The following ZNF559 variants were observed in gnomAD, a reference collection of about 807,000 sequenced individuals.
The protein encoded by ZNF559 is putative protein product of Nbla00121.
ZNF559 carries 17 observed loss-of-function variants against 14.2 expected under a neutral mutation model. That is an observed-to-expected ratio of 1.20 (90% CI 0.82 to 1.80). The LOEUF (loss-of-function observed/expected upper bound fraction) is 1.80, where lower values mean the gene tolerates loss of function less well. Among genes scored for constraint, ZNF559 ranks in the 40% most tolerant of loss-of-function variants. The pLI is 0.00. For synonymous variants in ZNF559, 244 were observed against 212.4 expected (o/e 1.15, Z -1.29); for missense variants, 740 against 629.7 (o/e 1.18, Z -1.88).
chr19:9,341,238 A>G (rs1278284831), intron 6 of ZNF559, 54 bp downstream of exon 6: 1 of 1,530,406 alleles, frequency 6.5e-7, no homozygotes, highest in East Asian at 2.2e-5. Context: ...AAGATTGGAA[A>G]TTCCTTAAAA....
intron 5 of ZNF559, 77 bp from the exon 6 acceptor site, chr19:9,341,025 C>G: frequency 9.3e-7 from 1 of 1,076,234 alleles, no homozygotes. Context: ...ACAGTACATA[C>G]TAGTCTTGCA....
chr19:9,339,718 A>G (rs1488411719), intron 5 of ZNF559, among the ~76,000 whole-genome samples: 1 of 151,650 alleles, frequency 6.6e-6, no homozygotes, highest in Non-Finnish European at 1.5e-5. Context: ...AGACAGCAAA[A>G]TCTTAGCTCT....
upstream of ZNF559, chr19:9,324,101 G>C (rs1314270679): frequency 2.0e-6 from 3 of 1,501,002 alleles, no homozygotes; most frequent in African/African-American, 2.8e-5. Flanking sequence ...CGCAGCAGCT[G>C]ATGGGCCCGG....
At chr19:9,335,133 C>T (rs2067160180) in intron 2 of ZNF559, among the ~76,000 whole-genome samples, 1 of 79,788 alleles carries the variant, frequency 1.3e-5, no homozygotes, top group Non-Finnish European at 2.5e-5. Flanking sequence ...GAGACTCTGT[C>T]TCAAAAAAAA....
chr19:9,328,541 C>G (rs950159837), intron 2 of ZNF559, among the ~76,000 whole-genome samples: 3 of 151,508 alleles, frequency 2.0e-5, no homozygotes, highest in Non-Finnish European at 2.9e-5. Context: ...TTAGTAGAGA[C>G]GAGCTTTCAT....
At chr19:9,336,367 G>A (rs765842052) in intron 2 of ZNF559, among the ~76,000 whole-genome samples, 64 of 152,144 alleles carry the variant, frequency 4.2e-4, no homozygotes, top group Non-Finnish European at 7.1e-4. Context: ...TGAGGCAGGC[G>A]GATCACCTGA....
chr19:9,343,911 C>CT lies in ZNF559; in HGVS notation c.*846dup, dbSNP rs1470871919. 1.4e-6 allele frequency: 1 copy of CT among 710,040 alleles called. No individual in the cohort carries two copies. Among genetic ancestry groups the CT allele is most frequent in the Non-Finnish European group, 1.7e-6 (1 of 579,080 alleles). The allele number at this position is 710,040 out of a possible 1,614,324, so 44.0% of individuals were successfully genotyped here. ...CTCTTTATTATTGAGGAGTTCCACT[C>CT]TTTCCCCCATTTGTCACTACTACAC... On this transcript the variant is annotated 3_prime_UTR_variant, in exon 7 of 7. Coordinates refer to ENST00000603380, the MANE Select transcript of ZNF559 (RefSeq NM_032497.3).
At position 9,331,104 on chromosome 19, in the gene ZNF559, T is replaced by C. The variant is rs999398001; in HGVS notation, c.-120+6324T>C. Among the ~76,000 whole-genome samples, 5 of 152,284 alleles carry C rather than the reference T, an allele frequency of 3.3e-5. No homozygotes were observed. In the East Asian group the frequency reaches 9.6e-4, roughly 29 times the overall value. ...ATTTTTCTCAGTCATACAGAGCAGATGTAAGAGGATGTCTGCCTCATTTCT... is the reference window on the plus strand; with the variant it reads ...ATTTTTCTCAGTCATACAGAGCAGACGTAAGAGGATGTCTGCCTCATTTCT... On this transcript the variant is annotated intron_variant, in intron 2 of 6. Coordinates refer to ENST00000603380, the MANE Select transcript of ZNF559 (RefSeq NM_032497.3).
Position 9,337,870 on chromosome 19 carries a change from G to T in ZNF559, c.-57+12G>T. On this transcript the variant is annotated intron_variant, in intron 3 of 6. Coordinates refer to ENST00000603380, the MANE Select transcript of ZNF559 (RefSeq NM_032497.3). ...CTGAAAGATTGACGGTATGAGGCAA[G>T]ACTCCCACTACTACTTAATCAAGAG... 1.3e-6 allele frequency: 2 copies of T among 1,519,034 alleles called. No homozygotes were observed. The highest frequency in any genetic ancestry group is 8.8e-7 in the Non-Finnish European group (1 of 1,137,172). The allele number at this position is 1,519,034 out of a possible 1,614,324, so 94.1% of individuals were successfully genotyped here.
chr19:9,324,532 C>T lies in ZNF559; in HGVS notation c.-205-163C>T, dbSNP rs2066461403. The stretch of plus-strand genomic sequence containing the variant: ...ATAGGGCCCGGCGCGGCGGCTCACG[C>T]CTGTCATTCCCAGCGCTTTGGGCGG... On this transcript the variant is annotated intron_variant, in intron 1 of 6. Transcript: ENST00000603380. 4 of 1,246,608 alleles carry T rather than the reference C, an allele frequency of 3.2e-6. No homozygotes were observed. The Admixed American group carries it at 8.5e-5, about 27-fold the overall frequency. The allele number at this position is 1,246,608 out of a possible 1,614,324, so 77.2% of individuals were successfully genotyped here.
At chr19:9,323,975 C>T (rs2066426265), upstream of ZNF559, 2 of 589,740 alleles carry the variant, frequency 3.4e-6, no homozygotes, top group Non-Finnish European at 6.0e-6. Context: ...TTGTCTAATT[C>T]TTTGTTCAAA....
At chr19:9,325,013 A>G (rs967380775) in intron 2 of ZNF559, among the ~76,000 whole-genome samples, 12 of 152,210 alleles carry the variant, frequency 7.9e-5, no homozygotes, top group African/African-American at 2.9e-4. Context: ...AGCGCCCTGT[A>G]GATTCCCCCA....
At chr19:9,326,648 C>T (rs1179067603) in intron 2 of ZNF559, among the ~76,000 whole-genome samples, 1 of 152,030 alleles carries the variant, frequency 6.6e-6, no homozygotes, top group African/African-American at 2.4e-5. Flanking sequence ...TGTGTGATAT[C>T]ATTTTTAATA....
At chr19:9,327,260 T>G (rs1157558560) in intron 2 of ZNF559, among the ~76,000 whole-genome samples, 3 of 129,696 alleles carry the variant, frequency 2.3e-5, no homozygotes, top group African/African-American at 8.6e-5. Flanking sequence ...TGTTTTTGTT[T>G]TTGTTTTGAC....
chr19:9,324,618 ACCCC>A, intron 1 of ZNF559, 73 bp from the exon 2 acceptor site: 1 of 710,394 alleles, frequency 1.4e-6, no homozygotes, highest in Non-Finnish European at 2.1e-6. Context: ...ACATAGGGAG[ACCCC>A]CCCCCCCAAC....
chr19:9,341,349 C>A, intron 6 of ZNF559, 165 bp downstream of exon 6: 1 of 738,336 alleles, frequency 1.4e-6, no homozygotes, highest in Non-Finnish European at 2.3e-6. Flanking sequence ...GTTTGACAAA[C>A]ACTCTAAACA....
intron 2 of ZNF559, among the ~76,000 whole-genome samples, chr19:9,331,044 TTC>T (rs999125495): frequency 2.0e-5 from 3 of 152,096 alleles, no homozygotes; most frequent in African/African-American, 4.8e-5. Flanking sequence ...ACACCTTCTC[TTC>T]TCTCTCTCTC....
chr19:9,324,157 C>T, upstream of ZNF559: 1 of 1,535,952 alleles, frequency 6.5e-7, no homozygotes, highest in Admixed American at 2.0e-5. Flanking sequence ...TTTGCGCGTG[C>T]GCGGCGTGTC....
rs181711657 is a variant in ZNF559 at position 9,341,643 on chromosome 19, A to G, written c.244-52A>G. The G allele has an allele frequency of 3.9e-4, 626 of 1,603,680 alleles. 3 individuals are homozygous for G. Among genetic ancestry groups the G allele is most frequent in the Non-Finnish European group, 4.7e-4 (557 of 1,177,614 alleles). ...ATTCAGAGTAAAAGGGAGAATCTCA[A>G]TGAAATAAATTTGGAAAACTTCTAT... On this transcript the variant is annotated intron_variant, in intron 6 of 6. Transcript: ENST00000603380.
Sources: allele counts gnomAD v4.1 joint callset (sites outside exome capture counted in the v4.1 genomes callset), GRCh38; gene constraint gnomAD v4.1.1; transcripts MANE v1.5; gene names NCBI Gene and HGNC (gene_info 2026-07-23, HGNC 2026-07-21).